SMCO4: variants seen among roughly 807,000 people sequenced by gnomAD.
SMCO4 encodes the protein single-pass membrane and coiled-coil domain-containing protein 4.
SMCO4 carries 4 observed loss-of-function variants against 3.6 expected under a neutral mutation model. That is an observed-to-expected ratio of 1.11 (90% CI 0.54 to 2.53). SMCO4 has a LOEUF of 2.53. Ranked by LOEUF, SMCO4 falls within the 30% of genes most tolerant of loss-of-function variation. The pLI is 0.02. For missense variants in SMCO4, 70 were observed against 80.8 expected (o/e 0.87, Z 0.51); for synonymous variants, 36 against 35.3 (o/e 1.02, Z -0.07).
chr11:93,529,880 C>T (rs190603931), intron 1 of SMCO4, among the ~76,000 whole-genome samples: 28 of 152,310 alleles, frequency 1.8e-4, no homozygotes, highest in African/African-American at 6.3e-4. Flanking sequence ...ATAAGAACAA[C>T]AATGTGTGAA....
chr11:93,541,408 T>A (rs1167016604), intron 1 of SMCO4, among the ~76,000 whole-genome samples: 1 of 152,118 alleles, frequency 6.6e-6, no homozygotes, highest in Non-Finnish European at 1.5e-5. Flanking sequence ...GCTCACCACT[T>A]CTCAAGCCAG....
chr11:93,536,694 G>C (rs72966966), intron 1 of SMCO4, among the ~76,000 whole-genome samples: 1 of 152,044 alleles, frequency 6.6e-6, no homozygotes, highest in Non-Finnish European at 1.5e-5. Context: ...TGGGTGAAGG[G>C]GAATGTGACA....
intron 2 of SMCO4, among the ~76,000 whole-genome samples, chr11:93,488,253 C>T (rs181210309): frequency 1.3e-5 from 2 of 152,318 alleles, no homozygotes; most frequent in Admixed American, 6.5e-5. Context: ...GTCTGAGAAG[C>T]ACGCAGGGGC....
intron 1 of SMCO4, among the ~76,000 whole-genome samples, chr11:93,507,580 G>A (rs755001974): frequency 6.6e-6 from 1 of 152,218 alleles, no homozygotes; most frequent in African/African-American, 2.4e-5. Flanking sequence ...AATGATGCAT[G>A]ATGTTACAAA....
chr11:93,543,939 C>T (rs1254097249), upstream of SMCO4, among the ~76,000 whole-genome samples: 4 of 152,204 alleles, frequency 2.6e-5, no homozygotes, highest in African/African-American at 7.2e-5. Context: ...GTAACTTACA[C>T]GTGCATATGT....
intron 1 of SMCO4, among the ~76,000 whole-genome samples, chr11:93,515,252 T>C (rs765232110): frequency 2.6e-5 from 4 of 152,210 alleles, no homozygotes; most frequent in Non-Finnish European, 5.9e-5. Flanking sequence ...CATTTGTTTC[T>C]GAAAGAATTT....
chr11:93,481,548 C>G, intron 2 of SMCO4: 2 of 983,364 alleles, frequency 2.0e-6, no homozygotes, highest in Non-Finnish European at 2.4e-6. Flanking sequence ...CCCCAACGGC[C>G]CTGTGAGTCA....
intron 2 of SMCO4, among the ~76,000 whole-genome samples, chr11:93,482,247 G>T (rs1353421527): frequency 6.6e-6 from 1 of 152,220 alleles, no homozygotes; most frequent in Non-Finnish European, 1.5e-5. Flanking sequence ...GGTGAAAAGG[G>T]ACCAACCAGG....
chr11:93,518,089 C>A (rs940325863), intron 1 of SMCO4, among the ~76,000 whole-genome samples: 10 of 151,578 alleles, frequency 6.6e-5, no homozygotes, highest in Non-Finnish European at 1.5e-4. Context: ...ATCCACTTGG[C>A]AGTCGATCCA....
chr11:93,534,688 T>C (rs894828882), intron 1 of SMCO4, among the ~76,000 whole-genome samples: 1 of 152,146 alleles, frequency 6.6e-6, no homozygotes, highest in Non-Finnish European at 1.5e-5. Flanking sequence ...CCACCACTCC[T>C]GCTCTCTGCC....
chr11:93,527,786 TCAC>T (rs1949123193), intron 1 of SMCO4, among the ~76,000 whole-genome samples: 2 of 152,174 alleles, frequency 1.3e-5, no homozygotes, highest in Admixed American at 1.3e-4. Flanking sequence ...TACGTATATT[TCAC>T]CACAATAACA....
chr11:93,505,010 A>C (rs376139232), intron 1 of SMCO4, among the ~76,000 whole-genome samples: 1 of 152,248 alleles, frequency 6.6e-6, no homozygotes, highest in Non-Finnish European at 1.5e-5. Flanking sequence ...CATGCAGTCT[A>C]TCAATATGTA....
intron 1 of SMCO4, among the ~76,000 whole-genome samples, chr11:93,507,826 C>T (rs1280924321): frequency 6.6e-6 from 1 of 152,182 alleles, no homozygotes; most frequent in Non-Finnish European, 1.5e-5. Flanking sequence ...CCATATAGTT[C>T]AACCAACACA....
chr11:93,479,130 C>T lies in SMCO4; in HGVS notation c.60G>A (p.Lys20=), dbSNP rs755033880. Residue 20 remains lysine (K), a synonymous_variant, in exon 3 of 3, where the codon AAG becomes AAA. Transcript: ENST00000298966. ...GCTGCCGGGCCTCCTGCATGGCTTGCTTCCGCTCCTTCTTGTCCTTGGAGG... is the reference window on the plus strand; with the variant it reads ...GCTGCCGGGCCTCCTGCATGGCTTGTTTCCGCTCCTTCTTGTCCTTGGAGG... The part of the protein sequence containing the change: ...KETSKDKKER[K]QAMQEARQQI... The T allele has an allele frequency of 6.8e-6, 11 of 1,613,998 alleles. No individual in the cohort carries two copies. The highest frequency in any genetic ancestry group is 8.5e-6 in the Non-Finnish European group (10 of 1,180,038).
At chr11:93,543,711 G>A (rs1442197954), upstream of SMCO4, among the ~76,000 whole-genome samples, 1 of 152,252 alleles carries the variant, frequency 6.6e-6, no homozygotes, top group Non-Finnish European at 1.5e-5. Context: ...TAGCAGAATC[G>A]GAAAGGGGAT....
At chr11:93,491,989 A>G (rs1948723102) in intron 2 of SMCO4, among the ~76,000 whole-genome samples, 1 of 152,246 alleles carries the variant, frequency 6.6e-6, no homozygotes. Flanking sequence ...TTCACCTCTC[A>G]GCTAAATTAC....
At chr11:93,499,790 G>T (rs1948817030) in intron 1 of SMCO4, among the ~76,000 whole-genome samples, 1 of 152,192 alleles carries the variant, frequency 6.6e-6, no homozygotes, top group Admixed American at 6.5e-5. Flanking sequence ...AGGAACAGAG[G>T]CTTTTAAACC....
intron 1 of SMCO4, among the ~76,000 whole-genome samples, chr11:93,511,983 C>A (rs148832974): frequency 1.3e-5 from 2 of 152,254 alleles, no homozygotes; most frequent in East Asian, 3.9e-4. Context: ...ATTAATTTTT[C>A]TTAAATGTAG....
At chr11:93,551,463 C>T in the SMCO4 span, among the ~76,000 whole-genome samples, 1 of 152,176 alleles carries the variant, frequency 6.6e-6, no homozygotes, top group East Asian at 1.9e-4. Context: ...GGGGCCCTGT[C>T]TCCCCAGAGG....
Sources: allele counts gnomAD v4.1 joint callset (sites outside exome capture counted in the v4.1 genomes callset), GRCh38; gene constraint gnomAD v4.1.1; transcripts MANE v1.5; gene names NCBI Gene and HGNC (gene_info 2026-07-23, HGNC 2026-07-21).